ZNF93: variants seen among roughly 807,000 people sequenced by gnomAD.
ZNF93 encodes the protein zinc finger protein 93.
A neutral mutation model predicts 45.0 loss-of-function variants in ZNF93; 29 were observed. The ratio of observed to expected loss-of-function variants is 0.64; its 90% CI spans 0.48 to 0.88. The LOEUF (loss-of-function observed/expected upper bound fraction) is 0.88, where lower values mean the gene tolerates loss of function less well. Ranked by LOEUF, ZNF93 falls within the 40% of genes least tolerant of loss-of-function variation. The pLI is 0.00. For missense variants in ZNF93, 578 were observed against 724.0 expected (o/e 0.80, Z 2.31); for synonymous variants, 223 against 244.6 (o/e 0.91, Z 0.82).
intron 1 of ZNF93, among the ~76,000 whole-genome samples, chr19:19,914,463 G>A (rs1038897421): frequency 2.6e-5 from 4 of 152,130 alleles, no homozygotes; most frequent in African/African-American, 9.7e-5. Context: ...TTATTTGGGA[G>A]GAATATTTCA....
At chr19:19,915,165 T>G in intron 1 of ZNF93, 115 bp from the exon 2 acceptor site, 1 of 1,557,856 alleles carries the variant, frequency 6.4e-7, no homozygotes, top group South Asian at 1.2e-5. Context: ...ATTGGATAAT[T>G]TTAGTCAGTC....
Position 19,922,190 on chromosome 19 carries a change from C to T in ZNF93, c.226+5535C>T, listed in dbSNP as rs559000782. ...CTTGTCTGTAAAGGATTTTATTTCT[C>T]CTTCACTGATGAAGCTTAGTTTGGC... On this transcript the variant is annotated intron_variant, in intron 3 of 3. Coordinates refer to ENST00000343769, the MANE Select transcript of ZNF93 (RefSeq NM_031218.4). 1.8e-4 allele frequency among the ~76,000 whole-genome samples: 27 copies of T among 152,240 alleles called. No homozygotes were observed. The South Asian group carries it at 2.7e-3, about 15-fold the overall frequency.
At chr19:19,933,123 T>C in intron 3 of ZNF93, 59 bp from the exon 4 acceptor site, 1 of 1,310,260 alleles carries the variant, frequency 7.6e-7, no homozygotes. Context: ...GTTAGATTTG[T>C]AAAGTATATT....
In ZNF93 at chr19:19,900,956, G is replaced by C; in HGVS notation, c.-133G>C. The C allele has an allele frequency of 2.7e-6, 4 of 1,464,360 alleles. No homozygotes were observed. Among genetic ancestry groups the C allele is most frequent in the Non-Finnish European group, 3.8e-6 (4 of 1,057,608 alleles). The allele number at this position is 1,464,360 out of a possible 1,614,324, so 90.7% of individuals were successfully genotyped here. On this transcript the variant is annotated 5_prime_UTR_variant, in exon 1 of 4. Transcript: ENST00000343769. ...TTTGGCGGGTCCTTTGTCTCTCGGT[G>C]CAGCCGGAGCTCCAGGTCTCCTCTT...
intron 3 of ZNF93, 127 bp from the exon 4 acceptor site, chr19:19,933,055 T>TA: frequency 1.3e-6 from 1 of 753,796 alleles, no homozygotes; most frequent in Middle Eastern, 3.0e-4. Flanking sequence ...AGGAAGACAT[T>TA]ACAGCTTGTG....
chr19:19,916,820 C>G (rs2063325774), intron 3 of ZNF93, among the ~76,000 whole-genome samples, 165 bp downstream of exon 3: 1 of 152,110 alleles, frequency 6.6e-6, no homozygotes. Context: ...TTTGTTCTCA[C>G]AAAGGGACAT....
rs1366995499 is a variant in ZNF93, at chr19:19,934,209, T to A, written c.1254T>A (p.Ser418Arg). Residue 418 changes from serine (S) to arginine (R), a missense_variant, in exon 4 of 4, where the codon AGT (serine) becomes AGA (arginine). Around this residue, in one of 3 missense-constraint regions of ZNF93, gnomAD observed 446 missense variants for 547.6 expected, o/e 0.81. Transcript: ENST00000343769. ...YSSTLSSHKRSHTGEKPYKCE... is the reference protein window; with the variant it reads ...YSSTLSSHKRRHTGEKPYKCE... ...CTACCCTTAGTTCACATAAGAGAAG[T>A]CATACTGGAGAGAAACCCTACAAAT... The A allele has an allele frequency of 6.2e-7, 1 of 1,612,146 alleles. No individual in the cohort carries two copies. Among genetic ancestry groups the A allele is most frequent in the South Asian group, 1.1e-5 (1 of 91,050 alleles).
At chr19:19,913,982 A>G (rs928976003) in intron 1 of ZNF93, among the ~76,000 whole-genome samples, 4 of 152,074 alleles carry the variant, frequency 2.6e-5, no homozygotes, top group African/African-American at 7.2e-5. Context: ...TAAAATTCCT[A>G]TGATGGTCAA....
chr19:19,914,521 C>T (rs1055229401), intron 1 of ZNF93, among the ~76,000 whole-genome samples: 1 of 152,120 alleles, frequency 6.6e-6, no homozygotes, highest in African/African-American at 2.4e-5. Context: ...AAAAATTTGT[C>T]CTAGTGCAGT....
intron 1 of ZNF93, among the ~76,000 whole-genome samples, chr19:19,901,741 C>T (rs937832018): frequency 6.6e-6 from 1 of 152,048 alleles, no homozygotes. Context: ...TTAGATTGTG[C>T]GGTGGGACCT....
rs538992403 is a variant in ZNF93 at position 19,929,268 on chromosome 19, ACT to A, written c.227-3911_227-3910del. ...AGATGCTGGCACACACTTCTTATAC[ACT>A]CTGCCAAGCTGTGAGCCAAATAAAC... On this transcript the variant is annotated intron_variant, in intron 3 of 3. Coordinates refer to ENST00000343769, the MANE Select transcript of ZNF93 (RefSeq NM_031218.4). Among the ~76,000 whole-genome samples, 29 of 152,124 alleles carry A rather than the reference ACT, an allele frequency of 1.9e-4. No homozygotes were observed. In the East Asian group the frequency reaches 5.6e-3, roughly 29 times the overall value.
At chr19:19,920,725 T>C (rs2063340585) in intron 3 of ZNF93, among the ~76,000 whole-genome samples, 1 of 152,258 alleles carries the variant, frequency 6.6e-6, no homozygotes, top group African/African-American at 2.4e-5. Context: ...TTCTAGTTTA[T>C]TTGCGTAGAG....
intron 1 of ZNF93, among the ~76,000 whole-genome samples, chr19:19,904,804 C>G (rs1264546853): frequency 6.6e-6 from 1 of 152,178 alleles, no homozygotes; most frequent in Non-Finnish European, 1.5e-5. Context: ...TGACTGAAAA[C>G]TTAGAGAAAA....
intron 1 of ZNF93, among the ~76,000 whole-genome samples, chr19:19,913,328 G>A (rs1013855755): frequency 6.6e-6 from 1 of 152,116 alleles, no homozygotes; most frequent in Non-Finnish European, 1.5e-5. Flanking sequence ...GAAATCTCTT[G>A]TACCCTCCCC....
intron 1 of ZNF93, among the ~76,000 whole-genome samples, chr19:19,909,913 G>A (rs893554263): frequency 2.6e-5 from 4 of 152,208 alleles, no homozygotes; most frequent in African/African-American, 9.7e-5. Context: ...TTCCTCTACT[G>A]TCACTTCTAG....
rs1398044015 is a variant in ZNF93 at position 19,916,698 on chromosome 19, A to G, written c.226+43A>G. 5.5e-6 allele frequency: 8 copies of G among 1,447,488 alleles called. No individual in the cohort carries two copies. The East Asian group carries it at 1.2e-4, about 21-fold the overall frequency. 89.7% of individuals were successfully genotyped at this position (1,447,488 alleles called of 1,614,324 possible). A position where few individuals can be genotyped will look rare whatever the true frequency, so the allele number is the denominator to read the frequency against. On this transcript the variant is annotated intron_variant, in intron 3 of 3. Coordinates refer to ENST00000343769, the MANE Select transcript of ZNF93 (RefSeq NM_031218.4). ...TGAATACAACAGACAACACAGTAAG[A>G]GGTCCCAAGGCCAAAGAGAAAGCCA...
chr19:19,903,598 G>T (rs764532250), intron 1 of ZNF93, among the ~76,000 whole-genome samples: 3 of 150,666 alleles, frequency 2.0e-5, no homozygotes, highest in Non-Finnish European at 3.0e-5. Context: ...AAACTCCATC[G>T]TTACTAAAAA....
intron 1 of ZNF93, among the ~76,000 whole-genome samples, chr19:19,912,669 A>G (rs2063312612): frequency 6.6e-6 from 1 of 152,106 alleles, no homozygotes; most frequent in Non-Finnish European, 1.5e-5. Flanking sequence ...TATCTCTTTC[A>G]TCTGTCTATA....
At chr19:19,920,198 A>T (rs2063339077) in intron 3 of ZNF93, among the ~76,000 whole-genome samples, 1 of 152,178 alleles carries the variant, frequency 6.6e-6, no homozygotes, top group African/African-American at 2.4e-5. Context: ...TTCTGCAGCT[A>T]TTGAGATAAT....
Sources: allele counts gnomAD v4.1 joint callset (sites outside exome capture counted in the v4.1 genomes callset), GRCh38; gene constraint gnomAD v4.1.1; regional missense constraint gnomAD v4.1.1; transcripts MANE v1.5; gene names NCBI Gene and HGNC (gene_info 2026-07-23, HGNC 2026-07-21).